The following PLAGL1 variants were observed in gnomAD, a reference collection of about 807,000 sequenced individuals.
PLAGL1 encodes the protein zinc finger protein PLAGL1.
A neutral mutation model predicts 4.6 loss-of-function variants in PLAGL1; 1 was observed. The ratio of observed to expected loss-of-function variants is 0.22; its 90% CI spans 0.08 to 1.03. The LOEUF (loss-of-function observed/expected upper bound fraction) is 1.03, where lower values mean the gene tolerates loss of function less well. Ranked by LOEUF, PLAGL1 falls within the 50% of genes least tolerant of loss-of-function variation. The probability of loss-of-function intolerance (pLI) is 0.58; values close to 1 mark genes in which losing one functional copy is unlikely to be tolerated. For synonymous variants in PLAGL1, 240 were observed against 237.8 expected, an observed-to-expected ratio of 1.01 and a Z score of -0.08; for missense variants, 464 against 570.4, an observed-to-expected ratio of 0.81 and a Z score of 1.90.
chr6:144,030,281 A>AAAAAAAAAAG lies in PLAGL1; in HGVS notation c.-151+34186_-151+34187insCTTTTTTTTT, dbSNP rs1296064916. On this transcript the variant is annotated intron_variant, in intron 1 of 3. Transcript: ENST00000437412. ...AAAAAAAAAAAAAAAAAAAAAAAAAAAAGAAGATGTAAATTTTAATACAAT... is the reference window on the plus strand; with the variant it reads ...AAAAAAAAAAAAAAAAAAAAAAAAAAAAAAAAAAAGAAGAAGATGTAAATTTTAATACAAT... 1.9e-3 allele frequency among the ~76,000 whole-genome samples: 247 copies of AAAAAAAAAAG among 132,922 alleles called. 17 individuals are homozygous for AAAAAAAAAAG. The highest frequency in any genetic ancestry group is 7.0e-3 in the African/African-American group (222 of 31,608). The allele number at this position is 132,922 out of a possible 152,430, so 87.2% of individuals were successfully genotyped here.
intron 1 of PLAGL1, among the ~76,000 whole-genome samples, chr6:144,020,977 A>G (rs1187323316): frequency 1.3e-5 from 2 of 150,506 alleles, no homozygotes; most frequent in Admixed American, 6.6e-5. Context: ...GCTGGTTAAG[A>G]CATACATGGT....
rs1793969777 is a variant in PLAGL1, at chr6:144,005,451, A to G, written c.-584+2639T>C. On this transcript the variant is annotated intron_variant, in intron 1 of 7. Coordinates refer to ENST00000674357, the MANE Select transcript of PLAGL1 (RefSeq NM_001317162.2). This position sits in a 1 kb window ranked among gnomAD's most constrained non-coding sequence, Gnocchi z 4.6. The stretch of plus-strand genomic sequence containing the variant: ...AGAAGTGGCACTGCTAATCACTGAT[A>G]TTGGGACAATTACCTTTTCATGTGG... 2 of 152,218 alleles carry G rather than the reference A, an allele frequency of 1.3e-5. No homozygotes were observed. Among genetic ancestry groups the G allele is most frequent in the Admixed American group, 1.3e-4 (2 of 15,288 alleles). 9.4% of individuals were successfully genotyped at this position (152,218 alleles called of 1,614,324 possible).
Position 143,952,424 on chromosome 6 carries a change from A to G in PLAGL1, c.-324-3964T>C, listed in dbSNP as rs1241741450. On this transcript the variant is annotated intron_variant, in intron 6 of 7. Transcript: ENST00000674357. The surrounding 1 kb of genome is among the most constrained non-coding windows in gnomAD (Gnocchi z 6.1). ...CTAGAAAGATAGTAAGTCTTACCCC[A>G]AAACATCTCAGGACATAATTTTCAG... Among the ~76,000 whole-genome samples the G allele has an allele frequency of 6.6e-6, 1 of 152,204 alleles. No homozygotes were observed. The highest frequency in any genetic ancestry group is 1.9e-4 in the East Asian group (1 of 5,200).
chr6:143,988,268 G>A (rs1241069980), intron 1 of PLAGL1, among the ~76,000 whole-genome samples: 1 of 152,166 alleles, frequency 6.6e-6, no homozygotes, highest in East Asian at 1.9e-4. Flanking sequence ...CACCTCAGCT[G>A]TAACATTTAT....
intron 1 of PLAGL1, among the ~76,000 whole-genome samples, chr6:144,041,410 C>G (rs1247957051): frequency 3.3e-5 from 5 of 151,946 alleles, no homozygotes; most frequent in African/African-American, 1.2e-4. Flanking sequence ...GCAATTCCCA[C>G]CTATGAGTGA....
rs566150246 is a variant in PLAGL1 at position 143,995,853 on chromosome 6, A to C, written c.-583-10679T>G. ...TTTGTTTCAAAGCCCAGTAATAATA[A>C]GTATTTCCATAAAATACCTACATTA... is the stretch of plus-strand genomic sequence containing the variant. On this transcript the variant is annotated intron_variant, in intron 1 of 7. Transcript: ENST00000674357. This position sits in a 1 kb window ranked among gnomAD's most constrained non-coding sequence, Gnocchi z 4.4. Among the ~76,000 whole-genome samples the C allele has an allele frequency of 5.3e-4, 81 of 152,364 alleles. No individual in the cohort carries two copies. The highest frequency in any genetic ancestry group is 1.9e-3 in the African/African-American group (78 of 41,576).
intron 7 of PLAGL1, among the ~76,000 whole-genome samples, chr6:143,943,668 T>C (rs1336112157): frequency 6.6e-6 from 1 of 151,830 alleles, no homozygotes; most frequent in East Asian, 1.9e-4. Flanking sequence ...GGTAATTTAA[T>C]TGGCAAAATT....
At position 143,970,076 on chromosome 6, in the gene PLAGL1, T is replaced by G. The variant is rs1309439993; in HGVS notation, c.-543-1098A>C. ...ATATAAATTCATTACTGATTAGCAG[T>G]GCAATCCAATTGGATGAATACTTGA... On this transcript the variant is annotated intron_variant, in intron 2 of 7. Transcript: ENST00000674357. The surrounding 1 kb of genome is among the most constrained non-coding windows in gnomAD (Gnocchi z 5.8). Among the ~76,000 whole-genome samples the G allele has an allele frequency of 6.6e-6, 1 of 152,208 alleles. No individual in the cohort carries two copies. Among genetic ancestry groups the G allele is most frequent in the Non-Finnish European group, 1.5e-5 (1 of 68,028 alleles).
At chr6:144,017,213 G>A (rs1394704476) in intron 1 of PLAGL1, among the ~76,000 whole-genome samples, 2 of 151,814 alleles carry the variant, frequency 1.3e-5, no homozygotes, top group African/African-American at 2.4e-5. Context: ...TTTTTTTAAA[G>A]CGCATCGCTT....
At chr6:143,976,665 T>C (rs998665056) in intron 2 of PLAGL1, among the ~76,000 whole-genome samples, 2 of 152,214 alleles carry the variant, frequency 1.3e-5, no homozygotes, top group Non-Finnish European at 2.9e-5. Context: ...TAAAGGAATA[T>C]GTCTTGCTAA....
chr6:144,019,372 T>G, intron 1 of PLAGL1, among the ~76,000 whole-genome samples: 1 of 151,964 alleles, frequency 6.6e-6, no homozygotes, highest in East Asian at 1.9e-4. Flanking sequence ...CCCAGGAGGC[T>G]GAGGCAGGAT....
At chr6:144,052,808 T>C (rs1798674462) in intron 1 of PLAGL1, among the ~76,000 whole-genome samples, 1 of 152,204 alleles carries the variant, frequency 6.6e-6, no homozygotes, top group Non-Finnish European at 1.5e-5. Context: ...CAACTAGTTC[T>C]TATGAAAAGA....
chr6:143,958,703 T>C lies in PLAGL1; in HGVS notation c.-325+1766A>G, dbSNP rs1173296068. 1.3e-5 allele frequency among the ~76,000 whole-genome samples: 2 copies of C among 152,242 alleles called. No homozygotes were observed. The highest frequency in any genetic ancestry group is 2.9e-5 in the Non-Finnish European group (2 of 68,046). ...ATTTATCACTGGTCCTTTAAGATTATCCTGATTCTTGATTTTTTCTTTTTA... is the reference window on the plus strand; with the variant it reads ...ATTTATCACTGGTCCTTTAAGATTACCCTGATTCTTGATTTTTTCTTTTTA... On this transcript the variant is annotated intron_variant, in intron 6 of 7. Coordinates refer to ENST00000674357, the MANE Select transcript of PLAGL1 (RefSeq NM_001317162.2). This position sits in a 1 kb window ranked among gnomAD's most constrained non-coding sequence, Gnocchi z 5.1.
In PLAGL1 at chr6:143,978,503, G is replaced by T. The variant is rs1787203633; in HGVS notation, c.-544+6632C>A. ...GCACTTTTTTCAGTATTAACTTTTAGTTTAATTCTGTAGTCTCAGAAAGTA... is the reference window on the plus strand; with the variant it reads ...GCACTTTTTTCAGTATTAACTTTTATTTTAATTCTGTAGTCTCAGAAAGTA... On this transcript the variant is annotated intron_variant, in intron 2 of 7. Transcript: ENST00000674357. This position sits in a 1 kb window ranked among gnomAD's most constrained non-coding sequence, Gnocchi z 4.6. Among the ~76,000 whole-genome samples, 1 of 151,854 alleles carries T rather than the reference G, an allele frequency of 6.6e-6. No individual in the cohort carries two copies.
rs187355865 is a variant in PLAGL1, at chr6:143,962,260, G to C, written c.-398-1718C>G. Among the ~76,000 whole-genome samples, 78 of 152,326 alleles carry C rather than the reference G, an allele frequency of 5.1e-4. 1 individual carries two copies. Among genetic ancestry groups the C allele is most frequent in the Non-Finnish European group, 5.9e-5 (4 of 68,032 alleles). On this transcript the variant is annotated intron_variant, in intron 5 of 7. Transcript: ENST00000674357. The surrounding 1 kb of genome is among the most constrained non-coding windows in gnomAD (Gnocchi z 5.3). ...CAGGAAAAATAACACATCTCAGTTT[G>C]ACAGGATGCTACTTGCAGATTGCTT...
chr6:144,010,322 G>C (rs897586187), upstream of PLAGL1, among the ~76,000 whole-genome samples: 2 of 152,122 alleles, frequency 1.3e-5, no homozygotes, highest in African/African-American at 4.8e-5. This position sits in a 1 kb window ranked among gnomAD's most constrained non-coding sequence, Gnocchi z 4.1. Context: ...ACAAATAAGA[G>C]AGCCAACACA....
chr6:143,959,297 C>T lies in PLAGL1; in HGVS notation c.-325+1172G>A, dbSNP rs1031826908. On this transcript the variant is annotated intron_variant, in intron 6 of 7. Transcript: ENST00000674357. The surrounding 1 kb of genome is among the most constrained non-coding windows in gnomAD (Gnocchi z 5.3). Reference sequence around the variant, plus strand: ...AAGGCCTGCTGTGTTAGCCACACCCCACCTGTTCGCAGCCCATGGACTCGC... The same window carrying T: ...AAGGCCTGCTGTGTTAGCCACACCCTACCTGTTCGCAGCCCATGGACTCGC... 3.9e-5 allele frequency among the ~76,000 whole-genome samples: 6 copies of T among 152,166 alleles called. No homozygotes were observed. Among genetic ancestry groups the T allele is most frequent in the Non-Finnish European group, 4.4e-5 (3 of 68,036 alleles).
rs757889837 is a variant in PLAGL1, at chr6:143,941,946, G to A, written c.870C>T (p.Ser290=). The part of the protein sequence containing the change: ...ESLASLHPSV[S]PGSPPPPLPN... Reference sequence around the variant, plus strand: ...GAAGGGGTGGCGGAGGAGAGCCAGGGGATACCGAGGGGTGGAGGGAGGCCA... The same window carrying A: ...GAAGGGGTGGCGGAGGAGAGCCAGGAGATACCGAGGGGTGGAGGGAGGCCA... The change falls in exon 8 of 8, where the codon TCC becomes TCT. Residue 290 remains serine (S), a synonymous_variant. Coordinates refer to ENST00000674357, the MANE Select transcript of PLAGL1 (RefSeq NM_001317162.2). This position sits in a 1 kb window ranked among gnomAD's most constrained non-coding sequence, Gnocchi z 6.0. 8.7e-6 allele frequency: 14 copies of A among 1,605,068 alleles called. No individual in the cohort carries two copies. The highest frequency in any genetic ancestry group is 4.5e-5 in the South Asian group (4 of 89,754).
intron 1 of PLAGL1, among the ~76,000 whole-genome samples, chr6:144,028,369 A>G (rs1393320670): frequency 6.6e-6 from 1 of 152,200 alleles, no homozygotes; most frequent in Non-Finnish European, 1.5e-5. Context: ...CAAGCTGTGC[A>G]TTGAGACTGG....
Sources: gnomAD v4.1 joint callset for allele counts (sites outside exome capture counted in the v4.1 genomes callset) on GRCh38, gnomAD v4.1.1 for gene constraint, Gnocchi (gnomAD v3.1) non-coding constraint, MANE v1.5 for transcripts, NCBI Gene and HGNC (gene_info 2026-07-23, HGNC 2026-07-21) for gene names.